ANK2: variants seen among roughly 807,000 people sequenced by gnomAD.
ANK2 encodes the protein ankyrin 2, also known as ankyrin-2.
ANK2 carries 83 observed loss-of-function variants against 360.5 expected under a neutral mutation model. The observed-to-expected ratio is 0.23, with a 90% confidence interval of 0.19 to 0.28. The LOEUF (loss-of-function observed/expected upper bound fraction) is 0.28. ANK2 is among the 10% of genes least tolerant of loss of function. The pLI is 1.00. For missense variants in ANK2, 4,201 were observed against 4,795.7 expected (o/e 0.88, Z 3.66); for synonymous variants, 1,740 against 1,759.5 (o/e 0.99, Z 0.28).
chr4:112,781,120 C>A, the ANK2 span, among the ~76,000 whole-genome samples: 1 of 152,144 alleles, frequency 6.6e-6, no homozygotes, highest in Admixed American at 6.6e-5. Flanking sequence ...GTGCCTCAGC[C>A]TACCAAGTAG....
At chr4:112,916,755 T>G (rs1464124924) in intron 2 of ANK2, among the ~76,000 whole-genome samples, 6 of 152,120 alleles carry the variant, frequency 3.9e-5, no homozygotes, top group Non-Finnish European at 7.4e-5. Flanking sequence ...AATGAATAGG[T>G]GAGAATTTAT....
intron 1 of ANK2, among the ~76,000 whole-genome samples, chr4:113,168,863 G>A (rs2097846885): frequency 6.6e-6 from 1 of 152,178 alleles, no homozygotes; most frequent in African/African-American, 2.4e-5. Flanking sequence ...GTATAAATCT[G>A]TAGGTACAAG....
the ANK2 span, among the ~76,000 whole-genome samples, chr4:112,751,979 T>G: frequency 6.6e-6 from 1 of 152,210 alleles, no homozygotes; most frequent in Admixed American, 6.5e-5. Flanking sequence ...GAAAATAGCT[T>G]GGAGCATGCT....
intron 1 of ANK2, among the ~76,000 whole-genome samples, chr4:113,050,968 G>A (rs978539231): frequency 2.0e-5 from 3 of 152,174 alleles, no homozygotes; most frequent in African/African-American, 7.2e-5. Flanking sequence ...ATGGTATCAT[G>A]CAATTTGATA....
At chr4:112,878,400 C>A (rs993643166) in intron 1 of ANK2, among the ~76,000 whole-genome samples, 3 of 152,162 alleles carry the variant, frequency 2.0e-5, no homozygotes, top group Non-Finnish European at 2.9e-5. Context: ...AATCTCAGCT[C>A]ACTGCCACCT....
At chr4:113,105,776 A>T (rs2093547369) in intron 1 of ANK2, among the ~76,000 whole-genome samples, 1 of 152,176 alleles carries the variant, frequency 6.6e-6, no homozygotes, top group Admixed American at 6.5e-5. Flanking sequence ...TTAAACAAAA[A>T]ACCTGATCAT....
intron 2 of ANK2, among the ~76,000 whole-genome samples, chr4:112,984,322 A>G (rs1189313800): frequency 6.6e-6 from 1 of 152,232 alleles, no homozygotes; most frequent in Non-Finnish European, 1.5e-5. Context: ...ATGGATTTAC[A>G]GTTCCACATG....
chr4:113,044,372 G>A (rs899420563), intron 2 of ANK2, among the ~76,000 whole-genome samples: 10 of 152,094 alleles, frequency 6.6e-5, no homozygotes, highest in Non-Finnish European at 1.5e-4. Flanking sequence ...CTCATGGGAG[G>A]GTTTATTAAC....
intron 43 of ANK2, among the ~76,000 whole-genome samples, chr4:113,370,050 T>A (rs1020192591): frequency 6.6e-6 from 1 of 152,178 alleles, no homozygotes; most frequent in Non-Finnish European, 1.5e-5. Flanking sequence ...TGGAAAGTCT[T>A]TTGCTAAGAA....
chr4:113,374,143 C>T (rs567106755), intron 45 of ANK2, among the ~76,000 whole-genome samples: 9 of 152,240 alleles, frequency 5.9e-5, no homozygotes, highest in Non-Finnish European at 1.0e-4. Flanking sequence ...AGGCTGGTCT[C>T]GAACTCCTGA....
intron 13 of ANK2, among the ~76,000 whole-genome samples, chr4:113,259,629 T>C (rs1586420747): frequency 2.6e-5 from 4 of 152,146 alleles, no homozygotes; most frequent in African/African-American, 9.7e-5. Flanking sequence ...TTATAAGTTT[T>C]CTTAATTATA....
chr4:113,054,793 A>G (rs1263456787), intron 1 of ANK2, among the ~76,000 whole-genome samples: 2 of 152,190 alleles, frequency 1.3e-5, no homozygotes, highest in Non-Finnish European at 2.9e-5. Flanking sequence ...TTTTATTGGA[A>G]AGAAAAATAC....
intron 1 of ANK2, among the ~76,000 whole-genome samples, chr4:113,163,822 C>A (rs1182655942): frequency 6.7e-6 from 1 of 148,372 alleles, no homozygotes; most frequent in Non-Finnish European, 1.5e-5. Flanking sequence ...GATATATTCC[C>A]ATATCATACA....
At chr4:113,046,229 C>T (rs181861827), upstream of ANK2, among the ~76,000 whole-genome samples, 9 of 152,186 alleles carry the variant, frequency 5.9e-5, no homozygotes, top group East Asian at 3.9e-4. Flanking sequence ...ACAATACTAC[C>T]GGCACCTGTT....
Position 113,092,600 on chromosome 4 carries a change from C to T in ANK2, c.84+42788C>T, listed in dbSNP as rs79141516. On this transcript the variant is annotated intron_variant, in intron 1 of 45. Coordinates refer to ENST00000357077, the MANE Select transcript of ANK2 (RefSeq NM_001148.6). ...TCATCTTTGAATAAGTTACTATGTT[C>T]TATGTATTTTAGTTTCCTCCATTTC... Among the ~76,000 whole-genome samples, 1,041 of 141,018 alleles carry T rather than the reference C, an allele frequency of 7.4e-3. 2 individuals are homozygous for T. The highest frequency in any genetic ancestry group is 0.012 in the Non-Finnish European group (748 of 64,232). The allele number at this position is 141,018 out of a possible 152,430, so 92.5% of individuals were successfully genotyped here. A position where few individuals can be genotyped will look rare whatever the true frequency, so the allele number is the denominator to read the frequency against.
intron 1 of ANK2, among the ~76,000 whole-genome samples, chr4:112,862,212 T>A (rs147408382): frequency 2.0e-5 from 3 of 152,362 alleles, no homozygotes; most frequent in African/African-American, 7.2e-5. Flanking sequence ...TTGCTGAGCA[T>A]TCAATTTTAA....
chr4:113,009,929 C>T (rs1050157807), intron 2 of ANK2, among the ~76,000 whole-genome samples: 4 of 151,582 alleles, frequency 2.6e-5, no homozygotes, highest in African/African-American at 9.7e-5. Flanking sequence ...TGAGAGTACA[C>T]ACACACACAC....
At chr4:112,962,240 C>G (rs946517674) in intron 2 of ANK2, among the ~76,000 whole-genome samples, 1 of 152,070 alleles carries the variant, frequency 6.6e-6, no homozygotes, top group Admixed American at 6.5e-5. Context: ...GTTCCCGTGT[C>G]TATGTCCATG....
chr4:113,373,532 C>T (rs867993023), intron 45 of ANK2, 83 bp downstream of exon 45: 1 of 1,440,530 alleles, frequency 6.9e-7, no homozygotes, highest in Non-Finnish European at 9.8e-7. Flanking sequence ...ATTGTTTATT[C>T]ATATTTTCCT....
Sources: gnomAD v4.1 joint callset for allele counts (sites outside exome capture counted in the v4.1 genomes callset) on GRCh38, gnomAD v4.1.1 for gene constraint, MANE v1.5 for transcripts, NCBI Gene and HGNC (gene_info 2026-07-23, HGNC 2026-07-21) for gene names.